The following BAHD1 variants were observed in gnomAD, a reference collection of about 807,000 sequenced individuals.
BAHD1 encodes the protein bromo adjacent homology domain containing 1, also known as bromo adjacent homology domain-containing 1 protein.
BAHD1 carries 20 observed loss-of-function variants against 63.1 expected under a neutral mutation model. That is an observed-to-expected ratio of 0.32 (90% confidence interval 0.22 to 0.46). The LOEUF (loss-of-function observed/expected upper bound fraction) is 0.46. BAHD1 is among the 20% of genes least tolerant of loss of function. The probability of loss-of-function intolerance (pLI) is 1.00; values close to 1 mark genes in which losing one functional copy is unlikely to be tolerated. For missense variants in BAHD1, 939 were observed against 1,071.8 expected (o/e 0.88, Z 1.73); for synonymous variants, 408 against 426.8 (o/e 0.96, Z 0.54).
intron 1 of BAHD1, among the ~76,000 whole-genome samples, chr15:40,450,704 G>T (rs1893674735): frequency 6.6e-6 from 1 of 152,210 alleles, no homozygotes; most frequent in Admixed American, 6.5e-5. Context: ...ATCCTGGGCA[G>T]TATGGCATCT....
Position 40,458,406 on chromosome 15 carries a change from C to T in BAHD1, c.-14-45C>T. The T allele has an allele frequency of 1.3e-6, 2 of 1,516,058 alleles. No homozygotes were observed. The highest frequency in any genetic ancestry group is 4.6e-5 in the East Asian group (2 of 43,662). 93.9% of individuals were successfully genotyped at this position (1,516,058 alleles called of 1,614,324 possible). ...CAGTGGGAGAGAAAGCAGGCAGGAG[C>T]AGGCCAGAGAGGGCTTCTCTCATTG... is the stretch of plus-strand genomic sequence containing the variant. On this transcript the variant is annotated intron_variant, in intron 1 of 6. Transcript: ENST00000416165. This position sits in a 1 kb window ranked among gnomAD's most constrained non-coding sequence, Gnocchi z 4.7.
Position 40,458,435 on chromosome 15 carries a change from A to C in BAHD1, c.-14-16A>C. ...CCAGAGAGGGCTTCTCTCATTGCCC[A>C]CCTTCTGTCCTGCAGGTTGGAAGTA... On this transcript the variant is annotated splice_polypyrimidine_tract_variant and intron_variant, in intron 1 of 6. Transcript: ENST00000416165. This position sits in a 1 kb window ranked among gnomAD's most constrained non-coding sequence, Gnocchi z 4.7. 6.5e-7 allele frequency: 1 copy of C among 1,532,576 alleles called. No homozygotes were observed. Among genetic ancestry groups the C allele is most frequent in the Non-Finnish European group, 8.8e-7 (1 of 1,137,948 alleles). 94.9% of individuals were successfully genotyped at this position (1,532,576 alleles called of 1,614,324 possible). A position where few individuals can be genotyped will look rare whatever the true frequency, so the allele number is the denominator to read the frequency against.
In BAHD1 at chr15:40,458,923, C is replaced by T. The variant is rs1190748951; in HGVS notation, c.459C>T (p.Arg153=). 4 of 1,596,338 alleles carry T rather than the reference C, an allele frequency of 2.5e-6. No individual in the cohort carries two copies. The East Asian group carries it at 6.7e-5, about 27-fold the overall frequency. Reference sequence around the variant, plus strand: ...GCAGTCGAGCAGGGGATCCCCACCGCAGCCGTGACCGTGATCGTGCTACTG... The same window carrying T: ...GCAGTCGAGCAGGGGATCCCCACCGTAGCCGTGACCGTGATCGTGCTACTG... ...TRRSRAGDPH[R]SRDRDRATGG... The change falls in exon 2 of 7, where the codon CGC becomes CGT. Residue 153 remains arginine (R), a synonymous_variant. Transcript: ENST00000416165. This position sits in a 1 kb window ranked among gnomAD's most constrained non-coding sequence, Gnocchi z 4.7.
At chr15:40,462,938 C>T (rs113479777) in intron 3 of BAHD1, among the ~76,000 whole-genome samples, 2,717 of 152,158 alleles carry the variant, frequency 0.018, 34 homozygotes, top group Non-Finnish European at 0.027. Context: ...CACCACTGCA[C>T]TCCAGTCTGG....
chr15:40,439,065 T>A (rs7175894), upstream of BAHD1, among the ~76,000 whole-genome samples: 6,674 of 151,890 alleles, frequency 0.044, 404 homozygotes, highest in African/African-American at 0.13. Flanking sequence ...TGGCCTGGTG[T>A]GTGTTGGGGG....
rs1047371529 is a variant in BAHD1, at chr15:40,459,545, C to T, written c.1081C>T (p.Pro361Ser). ...QLSPLPMPGN[P>S]ADYNGLCVGP... Reference sequence around the variant, plus strand: ...GTCGCCGCTGCCGATGCCTGGCAACCCCGCCGACTACAATGGCCTGTGTGT... The same window carrying T: ...GTCGCCGCTGCCGATGCCTGGCAACTCCGCCGACTACAATGGCCTGTGTGT... The change falls in exon 2 of 7, where the codon CCC (proline) becomes TCC (serine). Residue 361 changes from proline to serine, a missense_variant. Transcript: ENST00000416165. The T allele has an allele frequency of 3.1e-6, 5 of 1,614,174 alleles. No individual in the cohort carries two copies. Among genetic ancestry groups the T allele is most frequent in the Non-Finnish European group, 4.2e-6 (5 of 1,180,038 alleles).
chr15:40,439,077 G>T (rs1426207991), upstream of BAHD1, among the ~76,000 whole-genome samples: 1 of 152,168 alleles, frequency 6.6e-6, no homozygotes, highest in African/African-American at 2.4e-5. Context: ...TGTTGGGGGG[G>T]CGCTGCCGGG....
At chr15:40,445,590 G>A (rs1893519302) in intron 1 of BAHD1, among the ~76,000 whole-genome samples, 1 of 152,200 alleles carries the variant, frequency 6.6e-6, no homozygotes, top group African/African-American at 2.4e-5. Flanking sequence ...AAAGTCTCTG[G>A]AGTTGAGAAG....
At chr15:40,448,113 G>A (rs933811062) in intron 1 of BAHD1, among the ~76,000 whole-genome samples, 20 of 152,012 alleles carry the variant, frequency 1.3e-4, no homozygotes, top group Non-Finnish European at 2.5e-4. Flanking sequence ...ATGGTGGTAT[G>A]CGCCTGTAGT....
upstream of BAHD1, among the ~76,000 whole-genome samples, chr15:40,437,700 A>G (rs535750035): frequency 1.3e-5 from 2 of 152,326 alleles, no homozygotes; most frequent in Admixed American, 1.3e-4. Flanking sequence ...GAAAGTGGTC[A>G]CTGCCACCAC....
chr15:40,460,870 A>T (rs550706319), intron 2 of BAHD1, among the ~76,000 whole-genome samples: 6 of 152,256 alleles, frequency 3.9e-5, no homozygotes, highest in South Asian at 4.1e-4. Flanking sequence ...CTTGAGTTAG[A>T]GTTCTTATGA....
At chr15:40,447,571 TAAA>T (rs1213615960) in intron 1 of BAHD1, among the ~76,000 whole-genome samples, 1 of 26,978 alleles carries the variant, frequency 3.7e-5, no homozygotes, top group Non-Finnish European at 7.4e-5. Context: ...AATAAATAAA[TAAA>T]TAAATAAATA....
intron 1 of BAHD1, among the ~76,000 whole-genome samples, chr15:40,444,801 A>G (rs750434738): frequency 6.6e-6 from 1 of 152,166 alleles, no homozygotes; most frequent in Non-Finnish European, 1.5e-5. Context: ...GTGACTGGTT[A>G]GAGGCCAGAT....
At chr15:40,442,361 C>T (rs1893428056) in intron 1 of BAHD1, among the ~76,000 whole-genome samples, 2 of 151,876 alleles carry the variant, frequency 1.3e-5, no homozygotes, top group Non-Finnish European at 2.9e-5. Flanking sequence ...TAGCCGCTCG[C>T]TGTTGGCCTC....
intron 1 of BAHD1, among the ~76,000 whole-genome samples, chr15:40,449,520 C>G (rs1431841999): frequency 6.6e-6 from 1 of 152,030 alleles, no homozygotes; most frequent in East Asian, 1.9e-4. Flanking sequence ...GAGGATGAGG[C>G]CAGGCATGGT....
At chr15:40,451,757 C>T (rs1349680721) in intron 1 of BAHD1, among the ~76,000 whole-genome samples, 2 of 152,184 alleles carry the variant, frequency 1.3e-5, no homozygotes, top group Admixed American at 1.3e-4. Context: ...TGCTGTGTGC[C>T]TGAGAATGAG....
chr15:40,467,729 G>T lies in BAHD1; in HGVS notation c.*1599G>T, dbSNP rs1350413300. 2 of 152,690 alleles carry T rather than the reference G, an allele frequency of 1.3e-5. No individual in the cohort carries two copies. Among genetic ancestry groups the T allele is most frequent in the Non-Finnish European group, 2.9e-5 (2 of 68,078 alleles). 9.5% of individuals were successfully genotyped at this position (152,690 alleles called of 1,614,324 possible). ...GCTTGGGAAGCCTGATCCCAAACCT[G>T]AAGGGAAGGGACTTGGATCTCCTTA... is the stretch of plus-strand genomic sequence containing the variant. On this transcript the variant is annotated 3_prime_UTR_variant, in exon 7 of 7. Transcript: ENST00000416165.
chr15:40,442,199 G>T lies in BAHD1; in HGVS notation c.-15+931G>T, dbSNP rs373618934. ...TGGCGGTGAAGCGCCGGACAAAGGC[G>T]GCGCCGGAGCGGGCGCAGGTGGTGG... is the stretch of plus-strand genomic sequence containing the variant. On this transcript the variant is annotated intron_variant, in intron 1 of 6. Transcript: ENST00000416165. Among the ~76,000 whole-genome samples the T allele has an allele frequency of 6.3e-4, 96 of 152,150 alleles. 1 individual carries two copies. In the South Asian group the frequency reaches 0.019, roughly 30 times the overall value.
At position 40,461,934 on chromosome 15, in the gene BAHD1, G is replaced by A. The variant is rs759126804; in HGVS notation, c.1455G>A (p.Gln485=). The change falls in exon 3 of 7, where the codon CAG becomes CAA. Residue 485 remains glutamine, a synonymous_variant. Coordinates refer to ENST00000416165, the MANE Select transcript of BAHD1 (RefSeq NM_014952.5). ...FAAEGCRSLG[Q]LEFPLPEAGH... ...TAGAAGGCTGCAGATCCCTGGGCCA[G>A]TTGGAATTTCCTCTCCCGGAAGCTG... 2.3e-5 allele frequency: 37 copies of A among 1,605,262 alleles called. 1 individual carries two copies. The South Asian group carries it at 2.7e-4, about 12-fold the overall frequency.
Sources: gnomAD v4.1 joint callset for allele counts (sites outside exome capture counted in the v4.1 genomes callset) on GRCh38, gnomAD v4.1.1 for gene constraint, Gnocchi (gnomAD v3.1) non-coding constraint, MANE v1.5 for transcripts, NCBI Gene and HGNC (gene_info 2026-07-23, HGNC 2026-07-21) for gene names.